Variants in CERT1 observed in about 807,000 individuals in gnomAD.
The protein encoded by CERT1 is ceramide transfer protein.
CERT1 carries 31 observed loss-of-function variants against 87.9 expected under a neutral mutation model. The ratio of observed to expected loss-of-function variants is 0.35; its 90% CI spans 0.27 to 0.48. CERT1 has a LOEUF of 0.48. CERT1 is among the 20% of genes least tolerant of loss of function. The pLI is 0.99. For missense variants in CERT1, 487 were observed against 758.0 expected, an observed-to-expected ratio of 0.64 and a Z score of 4.20; for synonymous variants, 289 against 250.9, an observed-to-expected ratio of 1.15 and a Z score of -1.44.
intron 2 of CERT1, among the ~76,000 whole-genome samples, chr5:75,495,661 T>A (rs552225135): frequency 6.6e-6 from 1 of 152,260 alleles, no homozygotes; most frequent in Admixed American, 6.5e-5. Flanking sequence ...CTTAACGAGT[T>A]GTCAGCAAGT....
At chr5:75,410,860 A>G (rs1457725205) in intron 8 of CERT1, 151 bp downstream of exon 8, 2 of 440,532 alleles carry the variant, frequency 4.5e-6, no homozygotes, top group Non-Finnish European at 7.9e-6. Flanking sequence ...TGGCATTTAT[A>G]TATCATGAAA....
At chr5:75,390,607 C>A (rs541187181) in intron 11 of CERT1, among the ~76,000 whole-genome samples, 1 of 152,000 alleles carries the variant, frequency 6.6e-6, no homozygotes. Context: ...TGAAGTGATA[C>A]AAAGATTGCG....
In CERT1 at chr5:75,491,189, G is replaced by C. The variant is rs556082762; in HGVS notation, c.231+14793C>G. 2.9e-4 allele frequency among the ~76,000 whole-genome samples: 44 copies of C among 152,038 alleles called. No homozygotes were observed. In the East Asian group the frequency reaches 7.4e-3, roughly 25 times the overall value. On this transcript the variant is annotated intron_variant, in intron 2 of 16. Transcript: ENST00000643780. The stretch of plus-strand genomic sequence containing the variant: ...TTTTTTCAATATCCTTCGTTTAATG[G>C]CATCTTTTTCTTTCTGTCGTTTGCC...
intron 11 of CERT1, among the ~76,000 whole-genome samples, chr5:75,393,490 A>C (rs1192625030): frequency 6.6e-6 from 1 of 150,844 alleles, no homozygotes; most frequent in African/African-American, 2.4e-5. Flanking sequence ...GTACAATAAA[A>C]GTCTAAGTTG....
At chr5:75,438,121 A>T (rs1377323033) in intron 3 of CERT1, among the ~76,000 whole-genome samples, 1 of 152,182 alleles carries the variant, frequency 6.6e-6, no homozygotes, top group African/African-American at 2.4e-5. Flanking sequence ...CATTATATTA[A>T]AGGAAGAGCT....
intron 8 of CERT1, among the ~76,000 whole-genome samples, chr5:75,405,320 CT>C (rs1160119376): frequency 6.6e-6 from 1 of 152,070 alleles, no homozygotes; most frequent in Non-Finnish European, 1.5e-5. Flanking sequence ...TAGGTTTCCC[CT>C]TCTCTGCCTA....
intron 3 of CERT1, among the ~76,000 whole-genome samples, chr5:75,436,448 G>C (rs955276189): frequency 2.0e-5 from 3 of 152,144 alleles, no homozygotes; most frequent in Non-Finnish European, 2.9e-5. Context: ...GAGACACAAT[G>C]CTAGCTTTGT....
At chr5:75,368,827 A>G (rs945049677) in intron 17 of CERT1, 2 of 152,212 alleles carry the variant, frequency 1.3e-5, no homozygotes, top group Non-Finnish European at 2.9e-5. Context: ...AAATAAAACA[A>G]TAATGTACTT....
rs562429431 is a variant in CERT1, at chr5:75,383,519, T to C, written c.1488+1123A>G. ...TAATATTCTGACATTTACTAAATTT[T>C]AGATTTCAAATTAGACTTCAAAATT... On this transcript the variant is annotated intron_variant, in intron 14 of 16. Transcript: ENST00000643780. 1.7e-4 allele frequency among the ~76,000 whole-genome samples: 26 copies of C among 152,246 alleles called. No homozygotes were observed. The South Asian group carries it at 4.4e-3, about 25-fold the overall frequency.
At chr5:75,410,703 TA>T (rs57976408) in intron 8 of CERT1, 11,854 of 149,368 alleles carry the variant, frequency 0.079, 856 homozygotes, top group African/African-American at 0.21. Flanking sequence ...GCTTTTATGT[TA>T]AAAAAAAAAA....
At chr5:75,420,819 GCTT>G (rs796938920) in intron 5 of CERT1, among the ~76,000 whole-genome samples, 36 of 151,702 alleles carry the variant, frequency 2.4e-4, no homozygotes, top group Non-Finnish European at 4.6e-4. Flanking sequence ...GCTTTTTGTG[GCTT>G]CTTCTTCTTC....
chr5:75,368,567 C>A (rs1453718027), exon 18 of CERT1: 2 of 152,204 alleles, frequency 1.3e-5, no homozygotes, highest in African/African-American at 4.8e-5. Context: ...AGTTATATTG[C>A]AGCTCATCCT....
chr5:75,494,527 T>C (rs1375679949), intron 2 of CERT1, among the ~76,000 whole-genome samples: 1 of 152,194 alleles, frequency 6.6e-6, no homozygotes, highest in African/African-American at 2.4e-5. Context: ...CCCACGATTT[T>C]TTTCTCTATA....
chr5:75,398,113 C>T (rs1263530359), intron 11 of CERT1, among the ~76,000 whole-genome samples: 1 of 152,050 alleles, frequency 6.6e-6, no homozygotes, highest in Non-Finnish European at 1.5e-5. Flanking sequence ...GATTTCTGAT[C>T]CAGAATTGCT....
intron 1 of CERT1, among the ~76,000 whole-genome samples, chr5:75,508,565 A>G (rs1767768218): frequency 6.6e-6 from 1 of 152,102 alleles, no homozygotes; most frequent in Admixed American, 6.5e-5. Context: ...CTGCTCTCAT[A>G]ATGTTCCCTC....
In CERT1 at chr5:75,478,087, C is replaced by A. The variant is rs377403607; in HGVS notation, c.232-18906G>T. Among the ~76,000 whole-genome samples the A allele has an allele frequency of 5.3e-5, 8 of 152,030 alleles. No homozygotes were observed. The East Asian group carries it at 1.2e-3, about 22-fold the overall frequency. On this transcript the variant is annotated intron_variant, in intron 2 of 16. Transcript: ENST00000643780. ...CAGCACTTTGGGAGGCTGAGGCGGG[C>A]AGATCACCTGAAGTCAGGAGTTCGA...
At chr5:75,447,512 C>T (rs1484688468) in intron 3 of CERT1, among the ~76,000 whole-genome samples, 1 of 150,308 alleles carries the variant, frequency 6.7e-6, no homozygotes, top group Non-Finnish European at 1.5e-5. Context: ...GCTCTGTTGC[C>T]CAGGGTAGAG....
At chr5:75,510,474 C>G (rs1767892924) in intron 1 of CERT1, among the ~76,000 whole-genome samples, 1 of 152,146 alleles carries the variant, frequency 6.6e-6, no homozygotes, top group Admixed American at 6.5e-5. Context: ...TCTTCCTGGA[C>G]TAAAGATCAG....
At chr5:75,375,996 C>T (rs2111966795), downstream of CERT1, 1 of 152,208 alleles carries the variant, frequency 6.6e-6, no homozygotes, top group East Asian at 1.9e-4. Flanking sequence ...TGTATCTTTG[C>T]ACACATATAC....
Sources: allele counts gnomAD v4.1 joint callset (sites outside exome capture counted in the v4.1 genomes callset), GRCh38; gene constraint gnomAD v4.1.1; transcripts MANE v1.5; gene names NCBI Gene and HGNC (gene_info 2026-07-23, HGNC 2026-07-21).